The following TBC1D22A variants were observed in gnomAD, a reference collection of about 807,000 sequenced individuals.
TBC1D22A encodes the protein putative GTPase activator.
In TBC1D22A, 38 loss-of-function variants were observed where a neutral mutation model predicts 60.2. The ratio of observed to expected loss-of-function variants is 0.63; its 90% CI spans 0.49 to 0.83. TBC1D22A has a LOEUF of 0.83. Ranked by LOEUF, TBC1D22A falls within the 40% of genes least tolerant of loss-of-function variation. TBC1D22A has a pLI of 0.00. For missense variants in TBC1D22A, 628 were observed against 701.0 expected (o/e 0.90, Z 1.18); for synonymous variants, 302 against 281.7 (o/e 1.07, Z -0.72).
intron 11 of TBC1D22A, among the ~76,000 whole-genome samples, chr22:47,040,223 G>A (rs1358648283): frequency 6.6e-6 from 1 of 152,122 alleles, no homozygotes; most frequent in Non-Finnish European, 1.5e-5. Flanking sequence ...GGGATTACAG[G>A]TGTGAGCCAC....
At chr22:46,844,177 C>G (rs772229079) in intron 4 of TBC1D22A, among the ~76,000 whole-genome samples, 1 of 151,138 alleles carries the variant, frequency 6.6e-6, no homozygotes, top group Non-Finnish European at 1.5e-5. Flanking sequence ...TCAAGCCGTT[C>G]TAAGCATTCC....
chr22:47,010,050 G>C (rs1001721081), intron 10 of TBC1D22A, among the ~76,000 whole-genome samples: 1 of 152,246 alleles, frequency 6.6e-6, no homozygotes, highest in Non-Finnish European at 1.5e-5. Flanking sequence ...GGTTCCACCT[G>C]TGTGGGAAAC....
intron 8 of TBC1D22A, among the ~76,000 whole-genome samples, chr22:46,965,230 T>A (rs2073741106): frequency 6.6e-6 from 1 of 152,260 alleles, no homozygotes; most frequent in Non-Finnish European, 1.5e-5. Context: ...TTTCGTTGTG[T>A]TATTAACAGT....
intron 12 of TBC1D22A, among the ~76,000 whole-genome samples, chr22:47,119,127 G>A (rs958602402): frequency 3.3e-5 from 5 of 152,158 alleles, no homozygotes; most frequent in African/African-American, 7.2e-5. Context: ...CCAGCCTTGC[G>A]ACAGCAAGAC....
chr22:47,079,287 A>G (rs1449758030), intron 11 of TBC1D22A, among the ~76,000 whole-genome samples: 1 of 152,016 alleles, frequency 6.6e-6, no homozygotes, highest in Non-Finnish European at 1.5e-5. Flanking sequence ...GGGTTTCACC[A>G]TATTGGCCAG....
At chr22:46,983,300 G>T (rs2074588289) in intron 9 of TBC1D22A, among the ~76,000 whole-genome samples, 1 of 152,354 alleles carries the variant, frequency 6.6e-6, no homozygotes, top group African/African-American at 2.4e-5. Flanking sequence ...GTGCAGGAGT[G>T]ATGACCTTGA....
intron 12 of TBC1D22A, among the ~76,000 whole-genome samples, chr22:47,162,815 C>T (rs914759256): frequency 3.4e-5 from 4 of 118,116 alleles, no homozygotes; most frequent in South Asian, 2.5e-4. Context: ...ACTGTGGACC[C>T]GGTGCAGGGA....
intron 4 of TBC1D22A, among the ~76,000 whole-genome samples, chr22:46,800,696 C>G (rs1392072321): frequency 6.6e-6 from 1 of 152,202 alleles, no homozygotes; most frequent in Non-Finnish European, 1.5e-5. Flanking sequence ...AACAGAGTGC[C>G]TAGCACATAC....
chr22:46,776,471 T>C (rs371664579), intron 1 of TBC1D22A, among the ~76,000 whole-genome samples: 149 of 151,910 alleles, frequency 9.8e-4, no homozygotes, highest in African/African-American at 3.4e-3. Flanking sequence ...TGAGGGTCAG[T>C]GTTCAGGATG....
intron 10 of TBC1D22A, among the ~76,000 whole-genome samples, chr22:47,033,375 A>G (rs568933899): frequency 5.3e-5 from 8 of 152,350 alleles, no homozygotes; most frequent in African/African-American, 1.9e-4. Context: ...GTGTTGAGAA[A>G]TAGAAGTAGA....
At chr22:47,089,992 G>A (rs371762876) in intron 11 of TBC1D22A, among the ~76,000 whole-genome samples, 4 of 152,160 alleles carry the variant, frequency 2.6e-5, no homozygotes, top group East Asian at 3.9e-4. Context: ...TGAACAGTCC[G>A]GAACTTTGGC....
At chr22:46,779,278 A>G (rs1405854118) in intron 1 of TBC1D22A, among the ~76,000 whole-genome samples, 2 of 152,188 alleles carry the variant, frequency 1.3e-5, no homozygotes, top group African/African-American at 2.4e-5. Flanking sequence ...GAATTTTTCA[A>G]CTGCATTATA....
intron 2 of TBC1D22A, 56 bp downstream of exon 2, chr22:46,792,632 G>A: frequency 6.2e-7 from 1 of 1,613,776 alleles, no homozygotes; most frequent in South Asian, 1.1e-5. Context: ...GAGGGCTGTG[G>A]CAACCCCGGT....
At chr22:46,875,014 G>A (rs2067486162) in intron 4 of TBC1D22A, among the ~76,000 whole-genome samples, 1 of 152,196 alleles carries the variant, frequency 6.6e-6, no homozygotes, top group African/African-American at 2.4e-5. Context: ...TAAATAAAGG[G>A]AGATGTACAT....
In TBC1D22A at chr22:47,123,716, T is replaced by C. The variant is rs768006486; in HGVS notation, c.1425+12113T>C. Among the ~76,000 whole-genome samples, 3 of 152,254 alleles carry C rather than the reference T, an allele frequency of 2.0e-5. No homozygotes were observed. In the East Asian group the frequency reaches 5.8e-4, roughly 29 times the overall value. The stretch of plus-strand genomic sequence containing the variant: ...CATGAAATGCCAAAGTAGAGATCGT[T>C]GTCTCCGTCTTTATTGTTTCAAGAC... On this transcript the variant is annotated intron_variant, in intron 12 of 12. Coordinates refer to ENST00000337137, the MANE Select transcript of TBC1D22A (RefSeq NM_014346.5).
chr22:46,918,293 G>A (rs1004793653), intron 8 of TBC1D22A, among the ~76,000 whole-genome samples: 6 of 152,192 alleles, frequency 3.9e-5, no homozygotes, highest in Non-Finnish European at 5.9e-5. Context: ...GTGCAGGGCC[G>A]AGGCCAAAGC....
At chr22:47,141,195 A>G (rs2067071683) in intron 12 of TBC1D22A, among the ~76,000 whole-genome samples, 1 of 152,100 alleles carries the variant, frequency 6.6e-6, no homozygotes, top group Non-Finnish European at 1.5e-5. Flanking sequence ...TGTCACGGGG[A>G]CAGCCTGGGA....
chr22:46,804,484 C>G (rs1454122767), intron 4 of TBC1D22A, among the ~76,000 whole-genome samples: 1 of 152,230 alleles, frequency 6.6e-6, no homozygotes, highest in Non-Finnish European at 1.5e-5. Context: ...AGAAATGGCT[C>G]TCTCTCAGCG....
At chr22:47,063,023 C>T (rs558123675) in intron 11 of TBC1D22A, among the ~76,000 whole-genome samples, 2 of 152,182 alleles carry the variant, frequency 1.3e-5, no homozygotes, top group East Asian at 3.9e-4. Flanking sequence ...TGTGGTGACC[C>T]CAGAGGAAGG....
Sources: gnomAD v4.1 joint callset for allele counts (sites outside exome capture counted in the v4.1 genomes callset) on GRCh38, gnomAD v4.1.1 for gene constraint, MANE v1.5 for transcripts, NCBI Gene and HGNC (gene_info 2026-07-23, HGNC 2026-07-21) for gene names.